Variants in FOXP1 observed in about 807,000 individuals in gnomAD.
The protein encoded by FOXP1 is forkhead box P1.
In FOXP1, 15 loss-of-function variants were observed where a neutral mutation model predicts 98.2. The ratio of observed to expected loss-of-function variants is 0.15; its 90% confidence interval spans 0.10 to 0.24. FOXP1 has a LOEUF of 0.24. FOXP1 is among the 10% of genes least tolerant of loss of function. The probability of loss-of-function intolerance (pLI) is 1.00; values close to 1 mark genes in which losing one functional copy is unlikely to be tolerated. For missense variants in FOXP1, 633 were observed against 848.5 expected (o/e 0.75, Z 3.15); for synonymous variants, 371 against 314.5 (o/e 1.18, Z -1.90).
At chr3:71,100,757 T>TA (rs1208868058) in intron 7 of FOXP1, among the ~76,000 whole-genome samples, 1 of 152,148 alleles carries the variant, frequency 6.6e-6, no homozygotes, top group African/African-American at 2.4e-5. Flanking sequence ...TTTATCCAGC[T>TA]CCTTACAAAG....
chr3:71,259,098 C>T (rs551119727), intron 5 of FOXP1, among the ~76,000 whole-genome samples: 42 of 152,098 alleles, frequency 2.8e-4, no homozygotes, highest in African/African-American at 1.0e-3. Flanking sequence ...GAGCTGAGAT[C>T]GTGCCACTGC....
chr3:71,042,912 T>A (rs144370747), intron 10 of FOXP1, among the ~76,000 whole-genome samples: 1 of 152,178 alleles, frequency 6.6e-6, no homozygotes, highest in Non-Finnish European at 1.5e-5. Flanking sequence ...TATGCTAGCA[T>A]TGGAGAGCAC....
intron 12 of FOXP1, among the ~76,000 whole-genome samples, chr3:71,005,527 C>T (rs2042702817): frequency 2.0e-5 from 3 of 151,654 alleles, no homozygotes; most frequent in South Asian, 2.1e-4. Context: ...ATGTATATCA[C>T]CATAAAAACG....
chr3:71,129,337 T>C (rs1032517227), intron 6 of FOXP1, among the ~76,000 whole-genome samples: 1 of 152,200 alleles, frequency 6.6e-6, no homozygotes, highest in Admixed American at 6.5e-5. Flanking sequence ...ACCATAGCGA[T>C]AGCAATACAC....
At chr3:71,243,801 G>T (rs960288781) in intron 5 of FOXP1, among the ~76,000 whole-genome samples, 2 of 152,184 alleles carry the variant, frequency 1.3e-5, no homozygotes, top group Non-Finnish European at 2.9e-5. Flanking sequence ...AGGTGGAGAT[G>T]AATTTCTTGT....
intron 4 of FOXP1, among the ~76,000 whole-genome samples, chr3:71,327,742 T>G (rs1182593354): frequency 1.3e-5 from 2 of 152,166 alleles, no homozygotes; most frequent in Non-Finnish European, 2.9e-5. Context: ...GTAGTTCAAT[T>G]CTATCACATA....
chr3:71,092,913 A>G (rs1395344776), intron 7 of FOXP1, among the ~76,000 whole-genome samples: 1 of 152,196 alleles, frequency 6.6e-6, no homozygotes, highest in African/African-American at 2.4e-5. Context: ...CACCACATTA[A>G]AAGAGATTAG....
At chr3:71,526,483 G>C (rs1169558250) in intron 2 of FOXP1, among the ~76,000 whole-genome samples, 4 of 152,110 alleles carry the variant, frequency 2.6e-5, no homozygotes, top group Admixed American at 2.6e-4. Context: ...ATAAAAACTG[G>C]GACAAACATT....
intron 2 of FOXP1, among the ~76,000 whole-genome samples, chr3:71,558,802 C>CTTTTTTTTTTTTTTTTTTTTTT (rs35405702): frequency 8.5e-6 from 1 of 117,554 alleles, no homozygotes; most frequent in African/African-American, 3.4e-5. Flanking sequence ...CCGATTCTCA[C>CTTTTTTTTTTTTTTTTTTTTTT]TTTTTTTTTT....
chr3:71,223,693 C>CAAAAAAAAAAAAAAAAA (rs34686001), intron 5 of FOXP1, among the ~76,000 whole-genome samples: 1 of 90,122 alleles, frequency 1.1e-5, no homozygotes, highest in Non-Finnish European at 2.6e-5. Context: ...GACTACGTCT[C>CAAAAAAAAAAAAAAAAA]AAAAAAAAAA....
chr3:70,963,242 GAT>G (rs551949074), intron 20 of FOXP1, among the ~76,000 whole-genome samples: 73 of 152,320 alleles, frequency 4.8e-4, no homozygotes, highest in Admixed American at 1.3e-3. Flanking sequence ...TAACTGGCTA[GAT>G]CTACTGTGTG....
intron 3 of FOXP1, among the ~76,000 whole-genome samples, chr3:71,383,044 C>T (rs955293749): frequency 2.0e-5 from 3 of 152,150 alleles, no homozygotes; most frequent in Admixed American, 6.5e-5. Context: ...TTTTGTAACA[C>T]CAAGTCAGGA....
chr3:71,334,389 C>T (rs2076544571), intron 4 of FOXP1: 1 of 151,748 alleles, frequency 6.6e-6, no homozygotes, highest in Non-Finnish European at 1.5e-5. Flanking sequence ...GCCTGGGTGA[C>T]AAAGCTCAAA....
intron 5 of FOXP1, among the ~76,000 whole-genome samples, chr3:71,292,169 AC>A (rs1458978435): frequency 6.6e-6 from 1 of 152,132 alleles, no homozygotes; most frequent in Non-Finnish European, 1.5e-5. Context: ...GCCTCCAGAG[AC>A]CACTGAGGAC....
chr3:71,196,334 T>C (rs2063298051), intron 6 of FOXP1, among the ~76,000 whole-genome samples: 1 of 152,178 alleles, frequency 6.6e-6, no homozygotes, highest in African/African-American at 2.4e-5. Context: ...CTTTTATAAT[T>C]TTATTCTATG....
chr3:71,346,415 G>A (rs1022316632), intron 4 of FOXP1, among the ~76,000 whole-genome samples: 10 of 152,068 alleles, frequency 6.6e-5, no homozygotes, highest in Non-Finnish European at 1.2e-4. Context: ...AAAGAATTAC[G>A]GTAAACATCT....
intron 2 of FOXP1, among the ~76,000 whole-genome samples, chr3:71,569,390 T>C (rs755955799): frequency 2.0e-5 from 3 of 152,202 alleles, no homozygotes; most frequent in Non-Finnish European, 4.4e-5. Context: ...TCCCATCTCA[T>C]GTAATGTAAA....
intron 7 of FOXP1, among the ~76,000 whole-genome samples, chr3:71,093,589 A>G (rs2056135283): frequency 6.6e-6 from 1 of 150,386 alleles, no homozygotes; most frequent in African/African-American, 2.4e-5. Context: ...TTCAGTTTCA[A>G]CTGTGATATA....
intron 2 of FOXP1, among the ~76,000 whole-genome samples, chr3:71,518,362 T>C (rs373851184): frequency 5.3e-4 from 80 of 152,258 alleles, no homozygotes; most frequent in Middle Eastern, 6.8e-3. Context: ...CCCATGCTTA[T>C]TTGCTTAAAA....
Sources: gnomAD v4.1 joint callset for allele counts (sites outside exome capture counted in the v4.1 genomes callset) on GRCh38, gnomAD v4.1.1 for gene constraint, MANE v1.5 for transcripts, NCBI Gene and HGNC (gene_info 2026-07-23, HGNC 2026-07-21) for gene names.